Variants in ALK observed in about 807,000 individuals in gnomAD.
ALK encodes ALK tyrosine kinase receptor.
A neutral mutation model predicts 163.1 loss-of-function variants in ALK; 74 were observed. The ratio of observed to expected loss-of-function variants is 0.45; its 90% confidence interval spans 0.38 to 0.55. ALK has a LOEUF of 0.55. Ranked by LOEUF, ALK falls within the 20% of genes least tolerant of loss-of-function variation. ALK has a pLI of 0.00. For missense variants in ALK, 2,063 were observed against 2,105.3 expected, an observed-to-expected ratio of 0.98 and a Z score of 0.39; for synonymous variants, 960 against 843.2, an observed-to-expected ratio of 1.14 and a Z score of -2.40.
chr2:29,541,911 A>T (rs1673423898), intron 3 of ALK, among the ~76,000 whole-genome samples: 1 of 152,158 alleles, frequency 6.6e-6, no homozygotes, highest in African/African-American at 2.4e-5. Context: ...CAAGACCACC[A>T]TTGCTAGCCA....
At chr2:29,885,305 C>T (rs1558533458) in intron 1 of ALK, among the ~76,000 whole-genome samples, 1 of 152,108 alleles carries the variant, frequency 6.6e-6, no homozygotes, top group Non-Finnish European at 1.5e-5. Context: ...TCACAAGGAC[C>T]TTTAAGGCTC....
At chr2:29,463,286 G>A (rs1671130043) in intron 4 of ALK, among the ~76,000 whole-genome samples, 1 of 152,192 alleles carries the variant, frequency 6.6e-6, no homozygotes, top group Non-Finnish European at 1.5e-5. Flanking sequence ...GCAGCAAGAA[G>A]AAGGATTCCA....
chr2:29,578,678 G>T (rs1204968702), intron 3 of ALK, among the ~76,000 whole-genome samples: 1 of 152,198 alleles, frequency 6.6e-6, no homozygotes, highest in Non-Finnish European at 1.5e-5. Context: ...TGATGAAGGG[G>T]TCACCCGGAA....
chr2:29,437,463 T>A (rs1228885541), intron 4 of ALK, among the ~76,000 whole-genome samples: 1 of 152,110 alleles, frequency 6.6e-6, no homozygotes, highest in Non-Finnish European at 1.5e-5. Flanking sequence ...CTTGATAAAA[T>A]GAGACAAAGC....
intron 5 of ALK, among the ~76,000 whole-genome samples, chr2:29,345,169 A>C (rs1667908084): frequency 6.6e-6 from 1 of 152,116 alleles, no homozygotes; most frequent in Non-Finnish European, 1.5e-5. Context: ...CTAGGCAGGC[A>C]GATGTCTTGT....
At chr2:29,501,277 A>G (rs756971765) in intron 4 of ALK, among the ~76,000 whole-genome samples, 8 of 152,104 alleles carry the variant, frequency 5.3e-5, no homozygotes, top group Non-Finnish European at 8.8e-5. Context: ...CTTATTCCTC[A>G]TTTACTTGGC....
At chr2:29,472,693 T>A (rs1292275497) in intron 4 of ALK, among the ~76,000 whole-genome samples, 1 of 152,170 alleles carries the variant, frequency 6.6e-6, no homozygotes, top group Non-Finnish European at 1.5e-5. Context: ...ACACAGTCAA[T>A]ACTGTATACA....
intron 3 of ALK, among the ~76,000 whole-genome samples, chr2:29,550,874 C>G (rs1248657079): frequency 6.6e-6 from 1 of 151,946 alleles, no homozygotes; most frequent in African/African-American, 2.4e-5. Flanking sequence ...ATATTTTTTT[C>G]TCTTATTCTT....
At chr2:29,629,843 T>C (rs962094861) in intron 3 of ALK, among the ~76,000 whole-genome samples, 10 of 152,148 alleles carry the variant, frequency 6.6e-5, no homozygotes, top group Non-Finnish European at 1.5e-4. Context: ...TCTTTGAGGA[T>C]TTGAATGCAG....
chr2:29,628,801 T>C (rs1381955920), intron 3 of ALK, among the ~76,000 whole-genome samples: 1 of 152,134 alleles, frequency 6.6e-6, no homozygotes, highest in East Asian at 1.9e-4. Context: ...TGAGAAACTA[T>C]TCAAAGATAG....
chr2:29,666,750 G>A (rs1677524473), intron 3 of ALK, among the ~76,000 whole-genome samples: 1 of 151,914 alleles, frequency 6.6e-6, no homozygotes, highest in Admixed American at 6.6e-5. Flanking sequence ...AAAATTTACT[G>A]TCTTTACTAT....
At chr2:29,512,240 A>C (rs1672542371) in intron 4 of ALK, among the ~76,000 whole-genome samples, 2 of 151,924 alleles carry the variant, frequency 1.3e-5, no homozygotes, top group East Asian at 1.9e-4. Context: ...TTGATGCAAA[A>C]ATCCTCAATA....
At chr2:29,812,025 C>G (rs887890223) in intron 1 of ALK, among the ~76,000 whole-genome samples, 4 of 152,150 alleles carry the variant, frequency 2.6e-5, no homozygotes, top group African/African-American at 9.7e-5. Context: ...TTTGAAAAGG[C>G]AGTAATTCAG....
intron 4 of ALK, among the ~76,000 whole-genome samples, chr2:29,472,948 T>C (rs1269894431): frequency 1.3e-5 from 2 of 152,228 alleles, no homozygotes; most frequent in Non-Finnish European, 2.9e-5. Flanking sequence ...ATCTGTAGAT[T>C]AAACTTAATC....
intron 13 of ALK, among the ~76,000 whole-genome samples, chr2:29,235,830 C>G (rs989699815): frequency 7.5e-6 from 1 of 133,736 alleles, no homozygotes; most frequent in African/African-American, 2.8e-5. Flanking sequence ...GTAGCTGGGA[C>G]TACAGGCACA....
At chr2:29,572,383 C>T (rs904115470) in intron 3 of ALK, among the ~76,000 whole-genome samples, 3 of 152,178 alleles carry the variant, frequency 2.0e-5, no homozygotes, top group African/African-American at 7.2e-5. Flanking sequence ...ACTCAAACTC[C>T]TCAGCTTAGT....
rs1370485766 is a variant in ALK, at chr2:29,302,589, C to T, written c.1648-5532G>A. ...CCTCCTATGTTTATAGCAGAAGACA[C>T]TCAACTACAGCCACAACTCAAGCCA... On this transcript the variant is annotated intron_variant, in intron 8 of 28. Transcript: ENST00000389048. Among the ~76,000 whole-genome samples, 3 of 152,186 alleles carry T rather than the reference C, an allele frequency of 2.0e-5. No homozygotes were observed. In the East Asian group the frequency reaches 5.8e-4, roughly 29 times the overall value.
intron 1 of ALK, among the ~76,000 whole-genome samples, chr2:29,748,953 C>G (rs1012749057): frequency 1.3e-5 from 2 of 152,110 alleles, no homozygotes; most frequent in Non-Finnish European, 2.9e-5. Flanking sequence ...GCCATGTTGG[C>G]CAGCTGGTCT....
intron 4 of ALK, among the ~76,000 whole-genome samples, chr2:29,525,841 G>T (rs1290636331): frequency 1.4e-5 from 2 of 146,806 alleles, no homozygotes; most frequent in Non-Finnish European, 3.0e-5. Context: ...TATGAAGTTT[G>T]TAAAATGTGT....
Sources: gnomAD v4.1 joint callset for allele counts (sites outside exome capture counted in the v4.1 genomes callset) on GRCh38, gnomAD v4.1.1 for gene constraint, MANE v1.5 for transcripts, NCBI Gene and HGNC (gene_info 2026-07-23, HGNC 2026-07-21) for gene names.